SCMH1: variants seen among roughly 807,000 people sequenced by gnomAD.
SCMH1 encodes polycomb protein SCMH1.
A neutral mutation model predicts 70.8 loss-of-function variants in SCMH1; 37 were observed. The observed-to-expected ratio is 0.52, with a 90% CI of 0.40 to 0.69. The LOEUF is 0.69. Ranked by LOEUF, SCMH1 falls within the 30% of genes least tolerant of loss-of-function variation. The pLI is 0.00. For synonymous variants in SCMH1, 292 were observed against 307.4 expected (o/e 0.95, Z 0.52); for missense variants, 607 against 827.3 (o/e 0.73, Z 3.27).
At chr1:41,116,794 C>T (rs541058110) in intron 7 of SCMH1, 128 bp downstream of exon 7, 2 of 576,716 alleles carry the variant, frequency 3.5e-6, no homozygotes, top group African/African-American at 3.8e-5. Context: ...GCTTCATAAG[C>T]TACTAAAAAA....
At chr1:41,149,808 A>T (rs1157360011) in intron 5 of SCMH1, among the ~76,000 whole-genome samples, 3 of 152,340 alleles carry the variant, frequency 2.0e-5, no homozygotes, top group East Asian at 3.9e-4. Context: ...GAGATCAGGA[A>T]CTATTCTCAG....
chr1:41,211,173 A>G (rs1656929788), intron 1 of SCMH1, among the ~76,000 whole-genome samples: 1 of 152,202 alleles, frequency 6.6e-6, no homozygotes, highest in Non-Finnish European at 1.5e-5. Context: ...AATGGGACCT[A>G]ATTAAACTAA....
At chr1:41,125,335 C>CCGGCA (rs1391905449) in intron 6 of SCMH1, among the ~76,000 whole-genome samples, 7 of 151,880 alleles carry the variant, frequency 4.6e-5, no homozygotes, top group African/African-American at 1.5e-4. Flanking sequence ...TCCTTTTCAG[C>CCGGCA]CTCCTGAGTA....
intron 5 of SCMH1, among the ~76,000 whole-genome samples, chr1:41,145,553 G>T (rs923469427): frequency 9.9e-5 from 15 of 152,142 alleles, no homozygotes; most frequent in Admixed American, 3.3e-4. Context: ...TGGGTCTCTT[G>T]TAAGAATTTT....
At chr1:41,219,598 G>A (rs1248288993) in intron 1 of SCMH1, among the ~76,000 whole-genome samples, 2 of 152,194 alleles carry the variant, frequency 1.3e-5, no homozygotes, top group Non-Finnish European at 2.9e-5. Flanking sequence ...TCCTATGGTA[G>A]CTCAGTATAC....
At chr1:41,182,490 G>T (rs987175065) in intron 2 of SCMH1, among the ~76,000 whole-genome samples, 4 of 152,208 alleles carry the variant, frequency 2.6e-5, no homozygotes, top group Admixed American at 2.6e-4. Flanking sequence ...GCCAAGGCAG[G>T]AAGATTCATT....
chr1:41,128,023 T>C (rs1422417115), intron 6 of SCMH1, among the ~76,000 whole-genome samples: 2 of 152,212 alleles, frequency 1.3e-5, no homozygotes, highest in African/African-American at 2.4e-5. Context: ...CTTTATCATA[T>C]AGCAAATTTT....
intron 5 of SCMH1, among the ~76,000 whole-genome samples, chr1:41,149,687 G>A (rs978898975): frequency 6.6e-6 from 1 of 152,088 alleles, no homozygotes; most frequent in Admixed American, 6.5e-5. Flanking sequence ...TTGTCAGGCC[G>A]GACTGAAGCA....
intron 10 of SCMH1, among the ~76,000 whole-genome samples, chr1:41,049,333 T>C (rs555042910): frequency 5.2e-4 from 79 of 152,208 alleles, no homozygotes; most frequent in African/African-American, 1.6e-3. Flanking sequence ...TGTGTGTGTA[T>C]GTATGTCATT....
chr1:41,171,857 G>A (rs2363803), intron 2 of SCMH1, among the ~76,000 whole-genome samples: 54,229 of 151,986 alleles, frequency 0.36, 11,044 homozygotes, highest in Admixed American at 0.51. Flanking sequence ...AAATAGAAAC[G>A]TAACATACCC....
chr1:41,168,321 C>T (rs1166988484), intron 2 of SCMH1, among the ~76,000 whole-genome samples: 6 of 152,092 alleles, frequency 3.9e-5, no homozygotes, highest in Non-Finnish European at 8.8e-5. Flanking sequence ...TTTAAACTAT[C>T]CTTTTCATTC....
At chr1:41,152,816 T>C in intron 4 of SCMH1, 1 of 1,362,406 alleles carries the variant, frequency 7.3e-7, no homozygotes, top group South Asian at 1.5e-5. Context: ...TTACACTCTA[T>C]TTATTTTATA....
Position 41,047,994 on chromosome 1 carries a change from G to A in SCMH1, c.1306+696C>T, listed in dbSNP as rs561582158. On this transcript the variant is annotated intron_variant, in intron 11 of 14. Coordinates refer to ENST00000337495, the Ensembl canonical transcript of SCMH1. ...TATTTATGGAGTCTTCCATGCCAGC[G>A]GGGTTTCCTGAAGCTGGTTATTACA... is the stretch of plus-strand genomic sequence containing the variant. Among the ~76,000 whole-genome samples the A allele has an allele frequency of 3.9e-5, 6 of 152,278 alleles. No individual in the cohort carries two copies. In the East Asian group the frequency reaches 7.7e-4, roughly 20 times the overall value.
intron 2 of SCMH1, among the ~76,000 whole-genome samples, chr1:41,183,659 A>G (rs1259993294): frequency 6.6e-6 from 1 of 152,206 alleles, no homozygotes; most frequent in African/African-American, 2.4e-5. Flanking sequence ...AAAAGAAAAA[A>G]AAAAGTTGTC....
intron 2 of SCMH1, among the ~76,000 whole-genome samples, chr1:41,164,602 A>G (rs1342150139): frequency 1.3e-5 from 2 of 152,190 alleles, no homozygotes; most frequent in Non-Finnish European, 2.9e-5. Flanking sequence ...CTATTCATTC[A>G]TGATTTTTTC....
intron 1 of SCMH1, among the ~76,000 whole-genome samples, chr1:41,221,828 G>A (rs1659349683): frequency 6.9e-6 from 1 of 145,716 alleles, no homozygotes; most frequent in African/African-American, 2.5e-5. Context: ...GGAGGCAGAG[G>A]TTGCTGTGAG....
intron 2 of SCMH1, among the ~76,000 whole-genome samples, chr1:41,182,029 A>T (rs1648924487): frequency 6.6e-6 from 1 of 152,232 alleles, no homozygotes; most frequent in African/African-American, 2.4e-5. Context: ...ATAAAAAATG[A>T]TGAGTTCATG....
At chr1:41,164,502 C>A (rs370720648) in intron 2 of SCMH1, among the ~76,000 whole-genome samples, 6 of 152,082 alleles carry the variant, frequency 3.9e-5, no homozygotes, top group African/African-American at 1.4e-4. Flanking sequence ...ACTTATTTCA[C>A]GACGGTAGAG....
intron 13 of SCMH1, among the ~76,000 whole-genome samples, chr1:41,036,258 T>C (rs2148565477): frequency 6.6e-6 from 1 of 152,338 alleles, no homozygotes; most frequent in South Asian, 2.1e-4. Context: ...TGGATCTGCA[T>C]AGCCACTGCC....
Sources: gnomAD v4.1 joint callset for allele counts (sites outside exome capture counted in the v4.1 genomes callset) on GRCh38, gnomAD v4.1.1 for gene constraint, MANE v1.5 for transcripts, NCBI Gene and HGNC (gene_info 2026-07-23, HGNC 2026-07-21) for gene names.